Variants in PCDHGA10 observed in about 807,000 individuals in gnomAD.
The protein encoded by PCDHGA10 is protocadherin gamma subfamily A, 10, also known as protocadherin gamma-A10.
In PCDHGA10, 42 loss-of-function variants were observed where a neutral mutation model predicts 59.5. That is an observed-to-expected ratio of 0.71 (90% confidence interval 0.55 to 0.91). The LOEUF (loss-of-function observed/expected upper bound fraction) is 0.91. Among genes scored for constraint, PCDHGA10 ranks in the 40% least tolerant of loss-of-function variants. PCDHGA10 has a pLI of 0.00. For missense variants in PCDHGA10, 1,111 were observed against 1,198.2 expected (o/e 0.93, Z 1.07); for synonymous variants, 511 against 517.2 (o/e 0.99, Z 0.16).
chr5:141,462,959 G>A lies in PCDHGA10; in HGVS notation c.2437-31848G>A, dbSNP rs188938907. 5.1e-3 allele frequency among the ~76,000 whole-genome samples: 776 copies of A among 152,188 alleles called. 5 individuals are homozygous for A. Among genetic ancestry groups the A allele is most frequent in the Non-Finnish European group, 8.2e-3 (557 of 67,994 alleles). On this transcript the variant is annotated intron_variant, in intron 1 of 3. Transcript: ENST00000398610. ...AAGGCTTGTTTTTAAGCTTTGTTAGGACAGGTCTGTAGTAACTTTTGCCTT... is the reference window on the plus strand; with the variant it reads ...AAGGCTTGTTTTTAAGCTTTGTTAGAACAGGTCTGTAGTAACTTTTGCCTT...
rs967826724 is a variant in PCDHGA10 at position 141,414,112 on chromosome 5, T to C, written c.937T>C (p.Tyr313His). 2 of 1,592,428 alleles carry C rather than the reference T, an allele frequency of 1.3e-6. No individual in the cohort carries two copies. The highest frequency in any genetic ancestry group is 2.7e-5 in the African/African-American group (2 of 74,264). The change falls in exon 1 of 4, where the codon TAT (tyrosine) becomes CAT (histidine). Residue 313 changes from tyrosine to histidine, a missense_variant. Tyr to His is a moderately conservative substitution (Grantham distance 83, BLOSUM62 2). Coordinates refer to ENST00000398610, the MANE Select transcript of PCDHGA10 (RefSeq NM_018913.3). Reference protein sequence around the residue: ...GEIKISENLDYEETGFYEIEI... With the variant: ...GEIKISENLDHEETGFYEIEI... ...AATAAAAATATCAGAAAATCTAGATTATGAAGAAACCGGTTTCTATGAAAT... is the reference window on the plus strand; with the variant it reads ...AATAAAAATATCAGAAAATCTAGATCATGAAGAAACCGGTTTCTATGAAAT...
At chr5:141,448,000 C>T (rs1363676731) in intron 1 of PCDHGA10, among the ~76,000 whole-genome samples, 3 of 151,840 alleles carry the variant, frequency 2.0e-5, no homozygotes, top group Non-Finnish European at 4.4e-5. Flanking sequence ...GCATGAGAAT[C>T]GCTTGAACCC....
Position 141,486,786 on chromosome 5 carries a change from G to A in PCDHGA10, c.2437-8021G>A, listed in dbSNP as rs1360545946. The A allele has an allele frequency of 1.9e-6, 3 of 1,614,090 alleles. No individual in the cohort carries two copies. The highest frequency in any genetic ancestry group is 2.2e-5 in the East Asian group (1 of 44,892). ...ACACTGCAGTTTGAGGTGCAGGCCC[G>A]GGATCGGGGCAACCCACCCCTTAGC... is the stretch of plus-strand genomic sequence containing the variant. On this transcript the variant is annotated intron_variant, in intron 1 of 3. Coordinates refer to ENST00000398610, the MANE Select transcript of PCDHGA10 (RefSeq NM_018913.3). This position sits in a 1 kb window ranked among gnomAD's most constrained non-coding sequence, Gnocchi z 5.0.
At chr5:141,420,386 AT>A (rs2096493306) in intron 1 of PCDHGA10, 1 of 1,284,798 alleles carries the variant, frequency 7.8e-7, no homozygotes, top group African/African-American at 1.5e-5. Flanking sequence ...AGTTCGCAAA[AT>A]ATAGGTCAAA....
At chr5:141,452,377 A>G (rs2098740152) in intron 1 of PCDHGA10, among the ~76,000 whole-genome samples, 1 of 152,222 alleles carries the variant, frequency 6.6e-6, no homozygotes, top group African/African-American at 2.4e-5. Flanking sequence ...TTAGTAGGGA[A>G]TAGTATTTAG....
At chr5:141,444,621 G>A (rs1265458898) in intron 1 of PCDHGA10, among the ~76,000 whole-genome samples, 1 of 152,132 alleles carries the variant, frequency 6.6e-6, no homozygotes, top group Non-Finnish European at 1.5e-5. Flanking sequence ...CATGTGGCAT[G>A]ATGCACCAGT....
chr5:141,450,832 T>A (rs192186566), intron 1 of PCDHGA10, among the ~76,000 whole-genome samples: 5,292 of 142,276 alleles, frequency 0.037, 115 homozygotes, highest in Middle Eastern at 0.096. Flanking sequence ...TATTATTATT[T>A]TTTTTTTTTT....
Position 141,427,474 on chromosome 5 carries a change from A to T in PCDHGA10, c.2436+11863A>T, listed in dbSNP as rs373512099. On this transcript the variant is annotated intron_variant, in intron 1 of 3. Transcript: ENST00000398610. The stretch of plus-strand genomic sequence containing the variant: ...CCTTTTAGAATCGAATCTTCCGCCA[A>T]TAATGACTATAAGCTTGTAACAGAT... 10 of 520,294 alleles carry T rather than the reference A, an allele frequency of 1.9e-5. No individual in the cohort carries two copies. In the East Asian group the frequency reaches 2.1e-4, roughly 11 times the overall value. The allele number at this position is 520,294 out of a possible 1,614,324, so 32.2% of individuals were successfully genotyped here. A position where few individuals can be genotyped will look rare whatever the true frequency, so the allele number is the denominator to read the frequency against.
At position 141,431,914 on chromosome 5, in the gene PCDHGA10, C is replaced by A. The variant is rs745837291; in HGVS notation, c.2436+16303C>A. 6.2e-7 allele frequency: 1 copy of A among 1,613,912 alleles called. No individual in the cohort carries two copies. Among genetic ancestry groups the A allele is most frequent in the African/African-American group, 1.3e-5 (1 of 75,070 alleles). On this transcript the variant is annotated intron_variant, in intron 1 of 3. Transcript: ENST00000398610. The surrounding 1 kb of genome is among the most constrained non-coding windows in gnomAD (Gnocchi z 4.8). ...AGGAAAACGGACAGGTGATCTGTTT[C>A]ATCCAAGGAAATCTGCCCTTTAAAT...
At chr5:141,500,475 C>T (rs1193752670) in intron 2 of PCDHGA10, among the ~76,000 whole-genome samples, 1 of 152,024 alleles carries the variant, frequency 6.6e-6, no homozygotes, top group African/African-American at 2.4e-5. Flanking sequence ...TCCCAAAGTG[C>T]TGGGATTACA....
chr5:141,473,053 TACA>T (rs1452453123), intron 1 of PCDHGA10, among the ~76,000 whole-genome samples: 1 of 150,200 alleles, frequency 6.7e-6, no homozygotes, highest in Non-Finnish European at 1.5e-5. Flanking sequence ...AAAGAAGTGA[TACA>T]ACAAGTTACA....
In PCDHGA10 at chr5:141,487,241, A is replaced by G. The variant is rs753291480; in HGVS notation, c.2437-7566A>G. ...TCCAAGGGAAGGAGAATCTCGTCTA[A>G]CCCTCTACTTGGCTGTGTCCCTAGT... On this transcript the variant is annotated intron_variant, in intron 1 of 3. Transcript: ENST00000398610. The surrounding 1 kb of genome is among the most constrained non-coding windows in gnomAD (Gnocchi z 5.0). 2 of 1,613,876 alleles carry G rather than the reference A, an allele frequency of 1.2e-6. No homozygotes were observed. The highest frequency in any genetic ancestry group is 3.3e-5 in the Admixed American group (2 of 59,988).
At chr5:141,463,075 A>G (rs943294678) in intron 1 of PCDHGA10, among the ~76,000 whole-genome samples, 3 of 152,180 alleles carry the variant, frequency 2.0e-5, no homozygotes, top group East Asian at 1.9e-4. Context: ...ATGAAATTCA[A>G]ACATTTTCCA....
chr5:141,490,985 C>T lies in PCDHGA10; in HGVS notation c.2437-3822C>T. On this transcript the variant is annotated intron_variant, in intron 1 of 3. Transcript: ENST00000398610. This position sits in a 1 kb window ranked among gnomAD's most constrained non-coding sequence, Gnocchi z 5.4. ...TCAGCCCCCCAGCGTCTCCCTCGCT[C>T]TGCTCCTCCTGGCTCCTTGGTCACC... The T allele has an allele frequency of 1.9e-6, 3 of 1,614,128 alleles. No individual in the cohort carries two copies. The highest frequency in any genetic ancestry group is 2.5e-6 in the Non-Finnish European group (3 of 1,180,032).
chr5:141,449,154 A>G (rs2098630387), intron 1 of PCDHGA10, among the ~76,000 whole-genome samples: 1 of 152,180 alleles, frequency 6.6e-6, no homozygotes, highest in African/African-American at 2.4e-5. Flanking sequence ...TGGGTCAAAG[A>G]GGAAATAGGT....
At chr5:141,500,959 C>T (rs2099804326) in intron 2 of PCDHGA10, among the ~76,000 whole-genome samples, 1 of 152,022 alleles carries the variant, frequency 6.6e-6, no homozygotes, top group South Asian at 2.1e-4. Flanking sequence ...AGCTCCACCT[C>T]CTGGGTTCAA....
At chr5:141,444,670 C>G (rs1174911888) in intron 1 of PCDHGA10, among the ~76,000 whole-genome samples, 1 of 152,052 alleles carries the variant, frequency 6.6e-6, no homozygotes, top group African/African-American at 2.4e-5. Context: ...CCATTTTTTT[C>G]AATACCATTT....
chr5:141,494,639 C>T, intron 1 of PCDHGA10, 168 bp from the exon 2 acceptor site: 1 of 901,070 alleles, frequency 1.1e-6, no homozygotes, highest in Non-Finnish European at 1.3e-6. Flanking sequence ...ACCTCTGAGA[C>T]CTGAGGTGTA....
chr5:141,433,347 CCTA>C, intron 1 of PCDHGA10: 1 of 626,716 alleles, frequency 1.6e-6, no homozygotes, highest in South Asian at 2.0e-5. Flanking sequence ...GTGCAAGCCA[CCTA>C]CTGTCTGCCT....
Sources: allele counts gnomAD v4.1 joint callset (sites outside exome capture counted in the v4.1 genomes callset), GRCh38; gene constraint gnomAD v4.1.1; non-coding constraint Gnocchi (gnomAD v3.1); transcripts MANE v1.5; gene names NCBI Gene and HGNC (gene_info 2026-07-23, HGNC 2026-07-21).